The following MGRN1 variants were observed in gnomAD, a reference collection of about 807,000 sequenced individuals.
The protein encoded by MGRN1 is E3 ubiquitin-protein ligase MGRN1.
In MGRN1, 29 loss-of-function variants were observed where a neutral mutation model predicts 69.2. The observed-to-expected ratio is 0.42, with a 90% CI of 0.31 to 0.57. MGRN1 has a LOEUF of 0.57. MGRN1 is among the 20% of genes least tolerant of loss of function. The probability of loss-of-function intolerance (pLI) is 0.15; values close to 1 mark genes in which losing one functional copy is unlikely to be tolerated. For synonymous variants in MGRN1, 470 were observed against 344.2 expected, an observed-to-expected ratio of 1.37 and a Z score of -4.04; for missense variants, 998 against 796.2, an observed-to-expected ratio of 1.25 and a Z score of -3.05.
intron 16 of MGRN1, chr16:4,688,046 C>T: frequency 3.0e-6 from 3 of 985,556 alleles, no homozygotes; most frequent in Non-Finnish European, 3.6e-6. Context: ...TAGAACAGGG[C>T]TCACAGCCTC....
intron 13 of MGRN1, among the ~76,000 whole-genome samples, chr16:4,682,177 C>A (rs539967045): frequency 8.5e-5 from 13 of 152,342 alleles, no homozygotes; most frequent in African/African-American, 3.1e-4. Flanking sequence ...GCAGCCGAAA[C>A]TCAGGACCTG....
chr16:4,644,167 T>C (rs2078224903), intron 1 of MGRN1, among the ~76,000 whole-genome samples: 1 of 151,870 alleles, frequency 6.6e-6, no homozygotes, highest in South Asian at 2.1e-4. Context: ...TTGTTTTGTA[T>C]TTTTAGTAGA....
intron 1 of MGRN1, among the ~76,000 whole-genome samples, chr16:4,639,458 A>C (rs531642135): frequency 6.6e-6 from 1 of 152,302 alleles, no homozygotes; most frequent in East Asian, 1.9e-4. Context: ...GTCAGGGTGC[A>C]GCAACCTTCA....
At chr16:4,673,747 C>A in intron 10 of MGRN1, 90 bp downstream of exon 10, 2 of 1,451,926 alleles carry the variant, frequency 1.4e-6, no homozygotes, top group Admixed American at 2.0e-5. Flanking sequence ...GGCCACAGGT[C>A]CGTTGATGGC....
intron 13 of MGRN1, among the ~76,000 whole-genome samples, chr16:4,682,064 C>G (rs553489801): frequency 6.6e-6 from 1 of 152,202 alleles, no homozygotes; most frequent in Non-Finnish European, 1.5e-5. Flanking sequence ...CTGCAGGGGT[C>G]GGTGCTGTGT....
chr16:4,632,800 C>T (rs111952789), intron 1 of MGRN1, among the ~76,000 whole-genome samples: 123 of 152,274 alleles, frequency 8.1e-4, no homozygotes, highest in African/African-American at 2.6e-3. Context: ...CAGTCACTCA[C>T]GGCCAGGCGT....
chr16:4,630,770 C>G (rs1290106986), intron 1 of MGRN1, among the ~76,000 whole-genome samples: 2 of 148,606 alleles, frequency 1.3e-5, no homozygotes, highest in Non-Finnish European at 3.0e-5. Context: ...ATAGTTTTAG[C>G]TCTTACATTT....
At chr16:4,652,548 C>G (rs2078432310) in intron 3 of MGRN1, 130 bp from the exon 4 acceptor site, 1 of 1,205,140 alleles carries the variant, frequency 8.3e-7, no homozygotes, top group Admixed American at 2.9e-5. Context: ...GAAACAGCCC[C>G]TATGTCTACT....
At chr16:4,664,876 C>T in intron 6 of MGRN1, 101 bp downstream of exon 6, 1 of 1,484,022 alleles carries the variant, frequency 6.7e-7, no homozygotes, top group Non-Finnish European at 9.4e-7. Flanking sequence ...GCAGGCCAGG[C>T]ATAGGGCCTT....
At chr16:4,672,894 G>T (rs901632113) in intron 9 of MGRN1, among the ~76,000 whole-genome samples, 2 of 152,186 alleles carry the variant, frequency 1.3e-5, no homozygotes, top group Non-Finnish European at 2.9e-5. Context: ...CTGGAGTGCA[G>T]TGGCAGCCAT....
rs188202174 is a variant in MGRN1, at chr16:4,674,504, G to T, written c.955+847G>T. On this transcript the variant is annotated intron_variant, in intron 10 of 16. Coordinates refer to ENST00000262370, the MANE Select transcript of MGRN1 (RefSeq NM_015246.4). Reference sequence around the variant, plus strand: ...GGGTTTCACCATGTTGGTCAGGCTGGTCTGGAACTCCTGACCTCGTGATCT... The same window carrying T: ...GGGTTTCACCATGTTGGTCAGGCTGTTCTGGAACTCCTGACCTCGTGATCT... Among the ~76,000 whole-genome samples, 573 of 150,514 alleles carry T rather than the reference G, an allele frequency of 3.8e-3. 3 individuals carry two copies. The highest frequency in any genetic ancestry group is 0.013 in the African/African-American group (547 of 40,876).
intron 16 of MGRN1, chr16:4,688,402 G>T: frequency 3.0e-5 from 31 of 1,021,274 alleles, no homozygotes; most frequent in Non-Finnish European, 3.6e-5. Flanking sequence ...CTGCACCCTG[G>T]GTTGACCGAG....
At chr16:4,674,254 T>C (rs937398457) in intron 10 of MGRN1, among the ~76,000 whole-genome samples, 2 of 152,048 alleles carry the variant, frequency 1.3e-5, no homozygotes, top group Non-Finnish European at 2.9e-5. Flanking sequence ...AAAGTGCTGG[T>C]GTTACAGGCA....
intron 1 of MGRN1, among the ~76,000 whole-genome samples, chr16:4,643,749 T>A (rs2078213294): frequency 6.6e-6 from 1 of 152,226 alleles, no homozygotes; most frequent in Non-Finnish European, 1.5e-5. Flanking sequence ...TAAATAATTT[T>A]ACATCATAAG....
intron 1 of MGRN1, among the ~76,000 whole-genome samples, chr16:4,645,407 G>T (rs76298097): frequency 6.6e-6 from 1 of 152,076 alleles, no homozygotes; most frequent in Non-Finnish European, 1.5e-5. Flanking sequence ...GGGCTCGAGC[G>T]ATCCTCCTGC....
At chr16:4,662,399 C>T (rs559889924) in intron 5 of MGRN1, among the ~76,000 whole-genome samples, 3 of 151,908 alleles carry the variant, frequency 2.0e-5, no homozygotes, top group East Asian at 1.9e-4. Context: ...GCCTATAATC[C>T]CAGTTACTTG....
chr16:4,681,470 G>T, intron 12 of MGRN1, 80 bp from the exon 13 acceptor site: 1 of 1,366,296 alleles, frequency 7.3e-7, no homozygotes. Flanking sequence ...GAACAGAGTG[G>T]ACAGGAGGTC....
chr16:4,683,289 G>A lies in MGRN1; in HGVS notation c.1528+20G>A, dbSNP rs2079230915. The A allele has an allele frequency of 6.2e-7, 1 of 1,613,358 alleles. No homozygotes were observed. Among genetic ancestry groups the A allele is most frequent in the Non-Finnish European group, 8.5e-7 (1 of 1,179,828 alleles). On this transcript the variant is annotated intron_variant, in intron 15 of 16. Coordinates refer to ENST00000262370, the MANE Select transcript of MGRN1 (RefSeq NM_015246.4). ...AGCAAGGTGAGCGCCTCCTTCCATGGGCACAAACCGCATGCAGGGACCAGG... is the reference window on the plus strand; with the variant it reads ...AGCAAGGTGAGCGCCTCCTTCCATGAGCACAAACCGCATGCAGGGACCAGG...
chr16:4,683,314 G>C (rs369330364), intron 15 of MGRN1, 45 bp downstream of exon 15: 1 of 1,608,066 alleles, frequency 6.2e-7, no homozygotes, highest in Non-Finnish European at 8.5e-7. Context: ...CAGGGACCAG[G>C]CAGCCCTGGC....
Sources: gnomAD v4.1 joint callset for allele counts (sites outside exome capture counted in the v4.1 genomes callset) on GRCh38, gnomAD v4.1.1 for gene constraint, MANE v1.5 for transcripts, NCBI Gene and HGNC (gene_info 2026-07-23, HGNC 2026-07-21) for gene names.